The following GREB1 variants were observed in gnomAD, a reference collection of about 807,000 sequenced individuals.
GREB1 encodes the protein protein GREB1.
In GREB1, 106 loss-of-function variants were observed where a neutral mutation model predicts 200.7. The observed-to-expected ratio is 0.53, with a 90% CI of 0.45 to 0.62. The LOEUF (loss-of-function observed/expected upper bound fraction) is 0.62. Ranked by LOEUF, GREB1 falls within the 20% of genes least tolerant of loss-of-function variation. The probability of loss-of-function intolerance (pLI) is 0.00; values close to 1 mark genes in which losing one functional copy is unlikely to be tolerated. For synonymous variants in GREB1, 1,132 were observed against 1,092.4 expected, an observed-to-expected ratio of 1.04 and a Z score of -0.72; for missense variants, 2,243 against 2,556.8, an observed-to-expected ratio of 0.88 and a Z score of 2.65.
chr2:11,624,373 T>C (rs1183250956), intron 23 of GREB1, among the ~76,000 whole-genome samples: 1 of 149,816 alleles, frequency 6.7e-6, no homozygotes, highest in Non-Finnish European at 1.5e-5. Context: ...AGATGGAGTT[T>C]TGTGCTTGTC....
At chr2:11,557,740 C>A (rs1676572302) in intron 2 of GREB1, among the ~76,000 whole-genome samples, 1 of 152,182 alleles carries the variant, frequency 6.6e-6, no homozygotes, top group Non-Finnish European at 1.5e-5. Context: ...TTGCAAATGG[C>A]CCTTCTAAAC....
Position 11,576,495 on chromosome 2 carries a change from G to A in GREB1, c.597G>A (p.Gly199=), listed in dbSNP as rs1338834109. Residue 199 remains glycine, a synonymous_variant, in exon 5 of 33, where the codon GGG becomes GGA. Coordinates refer to ENST00000381486, the MANE Select transcript of GREB1 (RefSeq NM_014668.4). ...ATTACCTGGTCCGTAATGCACAAGG[G>A]ACTCTAACCAAAGGACCTTTAATCT... The part of the protein sequence containing the change: ...LKYYLVRNAQ[G]TLTKGPLICW... 1 of 1,613,948 alleles carries A rather than the reference G, an allele frequency of 6.2e-7. No individual in the cohort carries two copies. The highest frequency in any genetic ancestry group is 1.1e-5 in the South Asian group (1 of 90,972).
At chr2:11,619,900 C>G (rs755629093) in intron 22 of GREB1, among the ~76,000 whole-genome samples, 1 of 152,228 alleles carries the variant, frequency 6.6e-6, no homozygotes, top group East Asian at 1.9e-4. Flanking sequence ...CATTCATTGG[C>G]ATTTACTGAG....
At chr2:11,585,586 G>A (rs969632148) in intron 8 of GREB1, among the ~76,000 whole-genome samples, 176 bp from the exon 9 acceptor site, 4 of 152,330 alleles carry the variant, frequency 2.6e-5, no homozygotes, top group South Asian at 2.1e-4. Flanking sequence ...AAGGATGGGC[G>A]GAATGAACTT....
intron 23 of GREB1, among the ~76,000 whole-genome samples, chr2:11,624,898 C>T (rs1684314894): frequency 6.6e-6 from 1 of 152,086 alleles, no homozygotes; most frequent in African/African-American, 2.4e-5. Context: ...TCCAATGTGG[C>T]CCAGGGAATC....
intron 1 of GREB1, among the ~76,000 whole-genome samples, chr2:11,495,111 A>G (rs1672852636): frequency 6.6e-6 from 1 of 152,080 alleles, no homozygotes; most frequent in Admixed American, 6.5e-5. Context: ...GGCCTGTTAC[A>G]TCGTCTGCTT....
intron 6 of GREB1, 59 bp downstream of exon 6, chr2:11,578,490 T>C (rs1281292423): frequency 1.7e-5 from 27 of 1,549,230 alleles, no homozygotes; most frequent in East Asian, 4.6e-5. Flanking sequence ...CTGTCTCCGA[T>C]GTGTCCGGTT....
At chr2:11,588,495 A>C (rs1680397065) in intron 9 of GREB1, 1 of 535,840 alleles carries the variant, frequency 1.9e-6, no homozygotes, top group Admixed American at 3.1e-5. Flanking sequence ...TGTAAAAAAT[A>C]AGAGGATTGG....
In GREB1 at chr2:11,587,636, C is replaced by T. The variant is rs563200112; in HGVS notation, c.1160-1110C>T. The T allele has an allele frequency of 2.9e-5, 41 of 1,413,212 alleles. 1 individual carries two copies. The East Asian group carries it at 7.1e-4, about 24-fold the overall frequency. 87.5% of individuals were successfully genotyped at this position (1,413,212 alleles called of 1,614,324 possible). On this transcript the variant is annotated intron_variant, in intron 9 of 32. Transcript: ENST00000381486. ...CAGCAGGACATCTGCATATAACACACAGCCGAAGTCAGAAAATATATTTTT... is the reference window on the plus strand; with the variant it reads ...CAGCAGGACATCTGCATATAACACATAGCCGAAGTCAGAAAATATATTTTT...
At chr2:11,606,966 A>C (rs2148279852) in intron 17 of GREB1, among the ~76,000 whole-genome samples, 1 of 152,058 alleles carries the variant, frequency 6.6e-6, no homozygotes, top group Non-Finnish European at 1.5e-5. Context: ...TATTTTTAGT[A>C]GAGACAGGGT....
At chr2:11,581,147 G>A in intron 7 of GREB1, 1 of 587,930 alleles carries the variant, frequency 1.7e-6, no homozygotes, top group South Asian at 2.1e-5. Flanking sequence ...AGTGGGCAGT[G>A]TGTTGTTGGG....
At chr2:11,534,630 T>C (rs1166771524) in intron 1 of GREB1, among the ~76,000 whole-genome samples, 3 of 152,154 alleles carry the variant, frequency 2.0e-5, no homozygotes, top group Non-Finnish European at 4.4e-5. Flanking sequence ...CCGTGAGAGC[T>C]CCTCTTGTGT....
chr2:11,618,964 T>C (rs1350616788), intron 22 of GREB1, 45 bp downstream of exon 22: 7 of 1,428,418 alleles, frequency 4.9e-6, no homozygotes, highest in South Asian at 4.3e-5. Flanking sequence ...ACTGGGGGGG[T>C]CCTCACACTC....
At chr2:11,546,392 T>A (rs1675283140) in intron 1 of GREB1, among the ~76,000 whole-genome samples, 1 of 152,218 alleles carries the variant, frequency 6.6e-6, no homozygotes, top group African/African-American at 2.4e-5. Context: ...CACATATATA[T>A]GTATACAACA....
chr2:11,517,920 T>C (rs775289360), intron 1 of GREB1, among the ~76,000 whole-genome samples: 4 of 152,240 alleles, frequency 2.6e-5, no homozygotes, highest in African/African-American at 4.8e-5. Flanking sequence ...CCCAAAGTGC[T>C]GGGATTATAA....
At position 11,566,996 on chromosome 2, in the gene GREB1, A is replaced by G. The variant is rs73915430; in HGVS notation, c.454+340A>G. Among the ~76,000 whole-genome samples, 1,474 of 152,052 alleles carry G rather than the reference A, an allele frequency of 9.7e-3. 31 individuals are homozygous for G. The highest frequency in any genetic ancestry group is 0.033 in the African/African-American group (1,369 of 41,342). ...CAGAAACAGCCTACAGAGGCAGAGG[A>G]GAATGAGGCCGAGTGTGTTGCTGCT... On this transcript the variant is annotated intron_variant, in intron 4 of 32. Transcript: ENST00000381486.
rs536595308 is a variant in GREB1 at position 11,585,186 on chromosome 2, C to A, written c.927C>A (p.Pro309=). 13 of 1,577,792 alleles carry A rather than the reference C, an allele frequency of 8.2e-6. No individual in the cohort carries two copies. In the South Asian group the frequency reaches 1.3e-4, roughly 16 times the overall value. ...ALGILSNSGP[P]KKRHKGWSPE... ...GTATCTTGTCAAACTCCGGGCCCCC[C>A]AAAAAACGCCACAAAGGGTGGTCTC... Residue 309 remains proline, a synonymous_variant, in exon 8 of 33, where the codon CCC becomes CCA. Transcript: ENST00000381486.
rs1450411975 is a variant in GREB1, at chr2:11,592,833, G to T, written c.1403G>T (p.Arg468Leu). The T allele has an allele frequency of 1.3e-6, 2 of 1,591,778 alleles. No individual in the cohort carries two copies. The highest frequency in any genetic ancestry group is 2.3e-5 in the South Asian group (2 of 87,582). The change falls in exon 11 of 33, where the codon CGC becomes CTC. Residue 468 changes from arginine (R) to leucine (L), a missense_variant. Physicochemically the swap from Arg to Leu is moderately radical, Grantham distance 102. Coordinates refer to ENST00000381486, the MANE Select transcript of GREB1 (RefSeq NM_014668.4). ...GAGCAGATCTTCCTGCGCTCTTGGC[G>T]CGAGTCGCACCTGACCGAGATCCGG... is the stretch of plus-strand genomic sequence containing the variant. The part of the protein sequence containing the change: ...DLEQIFLRSW[R>L]ESHLTEIRQY...
At chr2:11,537,328 G>A (rs1674339747) in intron 1 of GREB1, among the ~76,000 whole-genome samples, 1 of 152,008 alleles carries the variant, frequency 6.6e-6, no homozygotes, top group African/African-American at 2.4e-5. Context: ...GCTTCATATT[G>A]GTAAGAATTG....
Sources: allele counts gnomAD v4.1 joint callset (sites outside exome capture counted in the v4.1 genomes callset), GRCh38; gene constraint gnomAD v4.1.1; transcripts MANE v1.5; gene names NCBI Gene and HGNC (gene_info 2026-07-23, HGNC 2026-07-21).